Variants in BTBD9 observed in about 807,000 individuals in gnomAD.
BTBD9 encodes the protein BTB/POZ domain-containing protein 9.
A neutral mutation model predicts 64.3 loss-of-function variants in BTBD9; 49 were observed. The observed-to-expected ratio is 0.76, with a 90% confidence interval of 0.61 to 0.97. The LOEUF (loss-of-function observed/expected upper bound fraction) is 0.97, where lower values mean the gene tolerates loss of function less well. Ranked by LOEUF, BTBD9 falls within the 50% of genes least tolerant of loss-of-function variation. The pLI, the probability that BTBD9 is intolerant of heterozygous loss-of-function variation, is 0.00. For missense variants in BTBD9, 598 were observed against 762.1 expected, an observed-to-expected ratio of 0.78 and a Z score of 2.53; for synonymous variants, 260 against 274.7, an observed-to-expected ratio of 0.95 and a Z score of 0.53.
chr6:38,432,801 C>T (rs1768504190), intron 6 of BTBD9, among the ~76,000 whole-genome samples: 1 of 151,892 alleles, frequency 6.6e-6, no homozygotes, highest in African/African-American at 2.4e-5. Context: ...AGCATCCATT[C>T]CCTAGTCCTG....
intron 7 of BTBD9, among the ~76,000 whole-genome samples, chr6:38,293,811 T>C (rs1476835779): frequency 6.6e-6 from 1 of 152,072 alleles, no homozygotes; most frequent in Non-Finnish European, 1.5e-5. Context: ...AAAGCCAAAA[T>C]TGACAAATGG....
At chr6:38,486,059 TATGAATCAACCTCTGCTAGCTCCAAG>T (rs1168343499) in intron 6 of BTBD9, among the ~76,000 whole-genome samples, 1 of 152,216 alleles carries the variant, frequency 6.6e-6, no homozygotes, top group African/African-American at 2.4e-5. Flanking sequence ...TTCTTCATCT[TATGAATCAACCTCTGCTAGCTCCAAG>T]ATGAATCAAC....
chr6:38,404,027 C>T (rs1165448004), intron 6 of BTBD9, among the ~76,000 whole-genome samples: 1 of 152,082 alleles, frequency 6.6e-6, no homozygotes, highest in African/African-American at 2.4e-5. Flanking sequence ...GTCCAGAATA[C>T]ACAAATCCAT....
intron 8 of BTBD9, among the ~76,000 whole-genome samples, chr6:38,266,343 T>A (rs909695442): frequency 6.6e-6 from 1 of 152,046 alleles, no homozygotes; most frequent in Non-Finnish European, 1.5e-5. Context: ...GAGGCTGAGG[T>A]GGGTGGATCA....
At chr6:38,402,672 G>T in intron 6 of BTBD9, 2 of 588,760 alleles carry the variant, frequency 3.4e-6, no homozygotes. Context: ...ACTAAAAATG[G>T]ATCAAAGACC....
chr6:38,559,470 A>C (rs1165358489), intron 6 of BTBD9, among the ~76,000 whole-genome samples: 1 of 152,228 alleles, frequency 6.6e-6, no homozygotes, highest in African/African-American at 2.4e-5. Flanking sequence ...CACGGACTGG[A>C]AGAATTACTA....
In BTBD9 at chr6:38,345,028, C is replaced by T; in HGVS notation, c.1220G>A (p.Cys407Tyr). Reference sequence around the variant, plus strand: ...AGTGAAGGTTTTGTTTGTAAACATACATTCAAAAGCCACAATGTGAAAAAT... The same window carrying T: ...AGTGAAGGTTTTGTTTGTAAACATATATTCAAAAGCCACAATGTGAAAAAT... The part of the protein sequence containing the change: ...NKIFHIVAFE[C>Y]MFTNKTFTLE... The change falls in exon 7 of 11, where the codon TGT becomes TAT. Residue 407 changes from cysteine to tyrosine, a missense_variant. Cys to Tyr is a radical substitution (Grantham distance 194). Coordinates refer to ENST00000481247, the MANE Select transcript of BTBD9 (RefSeq NM_001099272.2). 1.2e-6 allele frequency: 2 copies of T among 1,610,606 alleles called. No homozygotes were observed. The highest frequency in any genetic ancestry group is 1.1e-5 in the South Asian group (1 of 90,766).
At chr6:38,462,518 A>G (rs1770144930) in intron 6 of BTBD9, among the ~76,000 whole-genome samples, 1 of 152,152 alleles carries the variant, frequency 6.6e-6, no homozygotes, top group South Asian at 2.1e-4. Flanking sequence ...TATGACTACT[A>G]TACTGTTTTG....
At chr6:38,349,205 A>G (rs1282746516) in intron 6 of BTBD9, among the ~76,000 whole-genome samples, 1 of 152,076 alleles carries the variant, frequency 6.6e-6, no homozygotes, top group Non-Finnish European at 1.5e-5. Flanking sequence ...TTTTTTTTAA[A>G]ACTTAGTTTC....
rs1001096784 is a variant in BTBD9, at chr6:38,588,477, T to C, written c.814+4099A>G. The C allele has an allele frequency of 1.0e-5, 9 of 861,502 alleles. 1 individual carries two copies. The highest frequency in any genetic ancestry group is 1.7e-5 in the Non-Finnish European group (9 of 542,226). The allele number at this position is 861,502 out of a possible 1,614,324, so 53.4% of individuals were successfully genotyped here. On this transcript the variant is annotated intron_variant, in intron 4 of 10. Coordinates refer to ENST00000481247, the MANE Select transcript of BTBD9 (RefSeq NM_001099272.2). ...CTCCTCCAACTGGGCCTAATCCTTA[T>C]ATGTCCTCCCTTTGGTCAGGGCTAT... is the stretch of plus-strand genomic sequence containing the variant.
chr6:38,587,032 C>T (rs990756978), intron 4 of BTBD9, among the ~76,000 whole-genome samples: 1 of 150,622 alleles, frequency 6.6e-6, no homozygotes, highest in Non-Finnish European at 1.5e-5. Context: ...CGTTGCATTC[C>T]AGTGTGGGTG....
intron 6 of BTBD9, among the ~76,000 whole-genome samples, chr6:38,392,216 A>G (rs1766450700): frequency 6.6e-6 from 1 of 152,086 alleles, no homozygotes; most frequent in Non-Finnish European, 1.5e-5. Flanking sequence ...AATATCAATC[A>G]TCATCAGACA....
At chr6:38,363,904 A>G (rs1765080360) in intron 6 of BTBD9, among the ~76,000 whole-genome samples, 1 of 152,204 alleles carries the variant, frequency 6.6e-6, no homozygotes. Context: ...AGATTGCTAC[A>G]GCCTATTAGA....
intron 6 of BTBD9, among the ~76,000 whole-genome samples, chr6:38,383,851 A>T (rs1021908657): frequency 6.6e-6 from 1 of 152,174 alleles, no homozygotes; most frequent in Non-Finnish European, 1.5e-5. Flanking sequence ...TCGACATCTT[A>T]ACCCCTTGAA....
intron 6 of BTBD9, among the ~76,000 whole-genome samples, chr6:38,474,213 G>T (rs1219565168): frequency 6.6e-6 from 1 of 152,126 alleles, no homozygotes; most frequent in Non-Finnish European, 1.5e-5. Flanking sequence ...TAGTTATGGG[G>T]CTATTGCAGT....
At chr6:38,382,179 T>C (rs1350852472) in intron 6 of BTBD9, among the ~76,000 whole-genome samples, 1 of 152,122 alleles carries the variant, frequency 6.6e-6, no homozygotes, top group Non-Finnish European at 1.5e-5. Flanking sequence ...CCACCTACTA[T>C]CTCCCACAAC....
At chr6:38,636,121 C>T (rs1163778836) in intron 1 of BTBD9, among the ~76,000 whole-genome samples, 1 of 152,170 alleles carries the variant, frequency 6.6e-6, no homozygotes, top group East Asian at 1.9e-4. Context: ...TCACTGTGCA[C>T]ATGTATAATC....
intron 7 of BTBD9, among the ~76,000 whole-genome samples, chr6:38,344,445 A>G (rs1281127248): frequency 6.6e-6 from 1 of 151,340 alleles, no homozygotes; most frequent in Non-Finnish European, 1.5e-5. Flanking sequence ...AAAAGTGACA[A>G]TTCAGTCACT....
chr6:38,380,432 C>A (rs1765880564), intron 6 of BTBD9, among the ~76,000 whole-genome samples: 1 of 152,098 alleles, frequency 6.6e-6, no homozygotes. Flanking sequence ...ATAATATTGT[C>A]CCACTTGTGG....
Sources: allele counts gnomAD v4.1 joint callset (sites outside exome capture counted in the v4.1 genomes callset), GRCh38; gene constraint gnomAD v4.1.1; transcripts MANE v1.5; gene names NCBI Gene and HGNC (gene_info 2026-07-23, HGNC 2026-07-21).